The following TRDN variants were observed in gnomAD, a reference collection of about 807,000 sequenced individuals.
The protein encoded by TRDN is triadin in skeletal muscle.
In TRDN, 161 loss-of-function variants were observed where a neutral mutation model predicts 149.7. The observed-to-expected ratio is 1.08, with a 90% CI of 0.95 to 1.23. TRDN has a LOEUF of 1.23. Ranked by LOEUF, TRDN falls within the 50% of genes most tolerant of loss-of-function variation. The pLI is 0.00. For synonymous variants in TRDN, 294 were observed against 250.5 expected, an observed-to-expected ratio of 1.17 and a Z score of -1.64; for missense variants, 896 against 823.5, an observed-to-expected ratio of 1.09 and a Z score of -1.08.
At chr6:123,346,616 C>A (rs9372746) in intron 21 of TRDN, among the ~76,000 whole-genome samples, 104,898 of 151,686 alleles carry the variant, frequency 0.69, 37,813 homozygotes, top group East Asian at 0.85. Flanking sequence ...GAGTGTCTCT[C>A]CTGTGGATAA....
intron 2 of TRDN, among the ~76,000 whole-genome samples, chr6:123,567,415 T>G (rs1250028348): frequency 6.6e-6 from 1 of 152,198 alleles, no homozygotes; most frequent in Non-Finnish European, 1.5e-5. Context: ...ATTAGGTTGT[T>G]CCGGCATTGC....
intron 2 of TRDN, among the ~76,000 whole-genome samples, chr6:123,569,393 T>C (rs1034633132): frequency 1.3e-5 from 2 of 152,192 alleles, no homozygotes; most frequent in East Asian, 1.9e-4. Flanking sequence ...ATCCAAACTC[T>C]TTGAACTTCT....
chr6:123,350,748 C>A (rs1780432701), intron 21 of TRDN: 2 of 920,050 alleles, frequency 2.2e-6, no homozygotes, highest in South Asian at 1.0e-4. Flanking sequence ...CATTGTCATA[C>A]AATATTTAAA....
intron 21 of TRDN, among the ~76,000 whole-genome samples, chr6:123,347,600 G>T (rs1182166403): frequency 6.6e-6 from 1 of 151,922 alleles, no homozygotes; most frequent in Non-Finnish European, 1.5e-5. Flanking sequence ...ATATTTTAAG[G>T]TATTTTCATT....
intron 2 of TRDN, among the ~76,000 whole-genome samples, chr6:123,560,740 A>C (rs1229912689): frequency 6.6e-6 from 1 of 152,102 alleles, no homozygotes. Context: ...CTCTTCCCAC[A>C]CAAGGCAAAT....
chr6:123,422,951 A>G (rs1773972123), intron 12 of TRDN, among the ~76,000 whole-genome samples: 1 of 152,170 alleles, frequency 6.6e-6, no homozygotes, highest in South Asian at 2.1e-4. Flanking sequence ...AAGGTGTAAC[A>G]GGAATAAATT....
chr6:123,597,632 A>G (rs570764669), intron 1 of TRDN, among the ~76,000 whole-genome samples: 8 of 152,072 alleles, frequency 5.3e-5, no homozygotes, highest in Non-Finnish European at 1.0e-4. Flanking sequence ...CAGCCACCCC[A>G]ACCTTTAGCA....
chr6:123,266,985 T>C (rs1346946970), intron 32 of TRDN, among the ~76,000 whole-genome samples: 3 of 147,302 alleles, frequency 2.0e-5, no homozygotes, highest in African/African-American at 5.0e-5. Context: ...CAGGAGCCTG[T>C]AGTCCCAGCT....
intron 10 of TRDN, among the ~76,000 whole-genome samples, chr6:123,454,190 G>A (rs568310755): frequency 1.0e-3 from 153 of 151,982 alleles, no homozygotes; most frequent in Admixed American, 2.4e-3. Flanking sequence ...TATACTTCTC[G>A]GATGATGGGT....
chr6:123,504,548 T>C (rs1314896786), intron 7 of TRDN, among the ~76,000 whole-genome samples: 1 of 152,178 alleles, frequency 6.6e-6, no homozygotes, highest in African/African-American at 2.4e-5. Flanking sequence ...TTGGCTCCTG[T>C]TTATCTTAAG....
chr6:123,224,270 A>G lies in TRDN; in HGVS notation c.1976-139T>C, dbSNP rs1356820285. On this transcript the variant is annotated intron_variant, in intron 38 of 40. Transcript: ENST00000334268. ...AGCATCTACAGTCTCCATAAATAAG[A>G]GCTGTCTGACCAAAACAGGCACTTC... The G allele has an allele frequency of 1.1e-5, 8 of 752,250 alleles. No individual in the cohort carries two copies. In the East Asian group the frequency reaches 2.1e-4, roughly 20 times the overall value. 46.6% of individuals were successfully genotyped at this position (752,250 alleles called of 1,614,324 possible).
At chr6:123,368,973 G>A (rs554556992) in intron 19 of TRDN, among the ~76,000 whole-genome samples, 15 of 152,110 alleles carry the variant, frequency 9.9e-5, no homozygotes, top group Admixed American at 4.6e-4. Context: ...TCCTAGGACT[G>A]CCTTAAAACT....
intron 10 of TRDN, among the ~76,000 whole-genome samples, chr6:123,443,902 A>T (rs1775108902): frequency 6.6e-6 from 1 of 151,050 alleles, no homozygotes; most frequent in Non-Finnish European, 1.5e-5. Flanking sequence ...TACCAGTACC[A>T]TGCTGTTTTG....
At chr6:123,610,448 G>A (rs1230716646) in intron 1 of TRDN, among the ~76,000 whole-genome samples, 1 of 152,180 alleles carries the variant, frequency 6.6e-6, no homozygotes, top group African/African-American at 2.4e-5. Context: ...ACTCTGCAAT[G>A]ATTTACTGAA....
chr6:123,508,349 A>C (rs1159927655), intron 7 of TRDN, among the ~76,000 whole-genome samples: 1 of 152,202 alleles, frequency 6.6e-6, no homozygotes, highest in East Asian at 1.9e-4. Flanking sequence ...ATTAACCTAA[A>C]AAGATGATAC....
chr6:123,233,386 C>G (rs1318938385), intron 38 of TRDN, among the ~76,000 whole-genome samples: 1 of 152,026 alleles, frequency 6.6e-6, no homozygotes, highest in Non-Finnish European at 1.5e-5. Flanking sequence ...ATAAACTATG[C>G]AGGGAAATTT....
intron 21 of TRDN, among the ~76,000 whole-genome samples, chr6:123,344,218 C>T (rs1780170365): frequency 6.6e-6 from 1 of 152,058 alleles, no homozygotes; most frequent in Non-Finnish European, 1.5e-5. Flanking sequence ...CCATCACTAT[C>T]AGTATCCCTC....
intron 10 of TRDN, among the ~76,000 whole-genome samples, chr6:123,458,281 G>T (rs533934438): frequency 6.6e-6 from 1 of 152,130 alleles, no homozygotes; most frequent in Non-Finnish European, 1.5e-5. Context: ...ATCAATTCGG[G>T]TAGGCTTTGG....
At position 123,330,141 on chromosome 6, in the gene TRDN, C is replaced by T. The variant is rs187738525; in HGVS notation, c.1471+1738G>A. On this transcript the variant is annotated intron_variant, in intron 23 of 40. Transcript: ENST00000334268. ...GAGACTAAAATAAACAAAAACTAAA[C>T]TTTTAAAATAAAAATATTGATATAT... Among the ~76,000 whole-genome samples the T allele has an allele frequency of 3.9e-5, 6 of 152,138 alleles. No homozygotes were observed. In the East Asian group the frequency reaches 1.2e-3, roughly 29 times the overall value.
Sources: gnomAD v4.1 joint callset for allele counts (sites outside exome capture counted in the v4.1 genomes callset) on GRCh38, gnomAD v4.1.1 for gene constraint, MANE v1.5 for transcripts, NCBI Gene and HGNC (gene_info 2026-07-23, HGNC 2026-07-21) for gene names.